ZC3H12B: variants seen among roughly 807,000 people sequenced by gnomAD.
The protein encoded by ZC3H12B is probable ribonuclease ZC3H12B.
In ZC3H12B, 7 loss-of-function variants were observed where a neutral mutation model predicts 43.9. The ratio of observed to expected loss-of-function variants is 0.16; its 90% CI spans 0.09 to 0.30. The LOEUF (loss-of-function observed/expected upper bound fraction) is 0.30. Among genes scored for constraint, ZC3H12B ranks in the 10% least tolerant of loss-of-function variants. The pLI, the probability that ZC3H12B is intolerant of heterozygous loss-of-function variation, is 1.00. For synonymous variants in ZC3H12B, 222 were observed against 241.7 expected (o/e 0.92, Z 0.76); for missense variants, 475 against 670.2 (o/e 0.71, Z 3.22).
chrX:65,139,739 C>G, the ZC3H12B span, among the ~76,000 whole-genome samples: 1 of 111,354 alleles, frequency 9.0e-6, no homozygotes, highest in Non-Finnish European at 1.9e-5. Flanking sequence ...TTCATTTATT[C>G]ATTTGTATCA....
chrX:65,174,101 C>G, the ZC3H12B span, among the ~76,000 whole-genome samples: 1 of 111,134 alleles, frequency 9.0e-6, no homozygotes, highest in South Asian at 3.8e-4. Context: ...GTTGCCTGCT[C>G]CATCCTCTGG....
At chrX:65,076,747 G>A in the ZC3H12B span, among the ~76,000 whole-genome samples, 1 of 107,138 alleles carries the variant, frequency 9.3e-6, no homozygotes, top group Admixed American at 1.0e-4. Flanking sequence ...ATTTACATTT[G>A]GTTCTTTTTT....
chrX:65,314,250 G>A, the ZC3H12B span, among the ~76,000 whole-genome samples: 1 of 111,230 alleles, frequency 9.0e-6, no homozygotes, highest in African/African-American at 3.3e-5. Context: ...AAAAAAATTT[G>A]AAGAAATAAA....
the ZC3H12B span, among the ~76,000 whole-genome samples, chrX:65,214,595 C>G: frequency 9.0e-6 from 1 of 111,632 alleles, no homozygotes; most frequent in Non-Finnish European, 1.9e-5. Flanking sequence ...TTCCAGTTCT[C>G]TTGCTATTTC....
chrX:65,301,232 G>T, the ZC3H12B span, among the ~76,000 whole-genome samples: 1 of 111,531 alleles, frequency 9.0e-6, no homozygotes, highest in Middle Eastern at 4.6e-3. Flanking sequence ...TTACACTGCT[G>T]GTGGGAATGT....
At chrX:65,499,508 AGAG>A (rs1255405231) in intron 3 of ZC3H12B, among the ~76,000 whole-genome samples, 1 of 111,500 alleles carries the variant, frequency 9.0e-6, no homozygotes, top group East Asian at 2.8e-4. Context: ...AAGGCATCCC[AGAG>A]GAGATGACAT....
At chrX:65,503,536 G>A (rs12014994) in exon 5 of ZC3H12B, 245 of 164,488 alleles carry the variant, frequency 1.5e-3, no homozygotes, top group African/African-American at 6.8e-3. Flanking sequence ...AAAACCCAGG[G>A]GGAGAGGTCT....
the ZC3H12B span, among the ~76,000 whole-genome samples, chrX:65,266,162 T>C: frequency 8.9e-6 from 1 of 112,312 alleles, no homozygotes. Flanking sequence ...ATACATATAA[T>C]GAAATTCAGC....
the ZC3H12B span, among the ~76,000 whole-genome samples, chrX:65,211,364 A>G: frequency 9.2e-6 from 1 of 109,240 alleles, no homozygotes; most frequent in Non-Finnish European, 1.9e-5. Flanking sequence ...CAATAATAAA[A>G]TAACATAAAA....
the ZC3H12B span, among the ~76,000 whole-genome samples, chrX:65,105,362 T>A: frequency 9.0e-6 from 1 of 111,087 alleles, no homozygotes; most frequent in African/African-American, 3.3e-5. Context: ...ATGGCACATG[T>A]AAATCTATGT....
At chrX:65,153,947 G>A in the ZC3H12B span, among the ~76,000 whole-genome samples, 4 of 110,750 alleles carry the variant, frequency 3.6e-5, no homozygotes, top group South Asian at 7.7e-4. Flanking sequence ...GGATGAAATT[G>A]GAAATCATCA....
the ZC3H12B span, among the ~76,000 whole-genome samples, chrX:65,305,371 A>C: frequency 8.9e-6 from 1 of 111,913 alleles, no homozygotes; most frequent in East Asian, 2.8e-4. Context: ...AATATATTGG[A>C]GGTAGCATAG....
chrX:65,214,034 C>T, the ZC3H12B span, among the ~76,000 whole-genome samples: 1 of 110,754 alleles, frequency 9.0e-6, no homozygotes, highest in South Asian at 3.8e-4. Context: ...TGTGAAATAG[C>T]ATTGTGTCTA....
the ZC3H12B span, among the ~76,000 whole-genome samples, chrX:65,218,515 A>T: frequency 1.8e-5 from 2 of 111,466 alleles, no homozygotes; most frequent in Admixed American, 9.5e-5. Flanking sequence ...TATAGGCTGC[A>T]TGGGAGCTGG....
chrX:65,252,268 G>A, the ZC3H12B span, among the ~76,000 whole-genome samples: 15 of 111,178 alleles, frequency 1.3e-4, no homozygotes, highest in African/African-American at 4.9e-4. Flanking sequence ...AACCAGCCTT[G>A]CATCCCAGGG....
chrX:65,206,031 G>A, the ZC3H12B span, among the ~76,000 whole-genome samples: 1 of 111,685 alleles, frequency 9.0e-6, no homozygotes, highest in East Asian at 2.8e-4. Flanking sequence ...CAAACAAATG[G>A]AAACACCATG....
intron 3 of ZC3H12B, among the ~76,000 whole-genome samples, chrX:65,471,992 T>C (rs1421155411): frequency 8.9e-6 from 1 of 111,983 alleles, no homozygotes; most frequent in Non-Finnish European, 1.9e-5. Flanking sequence ...TTAGCATTTC[T>C]TGTAGGATTG....
chrX:65,263,911 A>G, the ZC3H12B span, among the ~76,000 whole-genome samples: 2 of 111,613 alleles, frequency 1.8e-5, no homozygotes, highest in African/African-American at 3.2e-5. Flanking sequence ...GAATCAACCT[A>G]AGTGCCCATC....
chrX:65,068,979 G>T, the ZC3H12B span, among the ~76,000 whole-genome samples: 11 of 108,486 alleles, frequency 1.0e-4, no homozygotes, highest in East Asian at 2.9e-3. Flanking sequence ...GGTTTCTCCT[G>T]AGAAGTCTGC....
Sources: allele counts gnomAD v4.1 joint callset (sites outside exome capture counted in the v4.1 genomes callset), GRCh38; gene constraint gnomAD v4.1.1; transcripts MANE v1.5; gene names NCBI Gene and HGNC (gene_info 2026-07-23, HGNC 2026-07-21).